ACCSL: variants seen among roughly 807,000 people sequenced by gnomAD.
ACCSL encodes probable inactive 1-aminocyclopropane-1-carboxylate synthase-like protein 2.
ACCSL carries 55 observed loss-of-function variants against 61.7 expected under a neutral mutation model. The ratio of observed to expected loss-of-function variants is 0.89; its 90% confidence interval spans 0.72 to 1.12. ACCSL has a LOEUF of 1.12. Among genes scored for constraint, ACCSL ranks in the 50% most tolerant of loss-of-function variants. The pLI, the probability that ACCSL is intolerant of heterozygous loss-of-function variation, is 0.00. For synonymous variants in ACCSL, 258 were observed against 264.3 expected (o/e 0.98, Z 0.23); for missense variants, 632 against 698.0 (o/e 0.91, Z 1.07).
chr11:43,977,557 C>T, the ACCSL span, among the ~76,000 whole-genome samples: 2 of 152,236 alleles, frequency 1.3e-5, no homozygotes, highest in Non-Finnish European at 2.9e-5. Context: ...GGAAATGCAA[C>T]TCAGCTGACA....
the ACCSL span, chr11:43,942,545 G>A: frequency 3.8e-6 from 1 of 263,912 alleles, no homozygotes; most frequent in Non-Finnish European, 7.6e-6. Flanking sequence ...CGCGGGGCGC[G>A]CACGCTTTAA....
At chr11:43,998,219 A>G in the ACCSL span, among the ~76,000 whole-genome samples, 1 of 152,216 alleles carries the variant, frequency 6.6e-6, no homozygotes, top group East Asian at 1.9e-4. Context: ...GACGACATGA[A>G]TGCTGATGCC....
intron 13 of ACCSL, 28 bp downstream of exon 13, chr11:44,058,727 TAA>T: frequency 6.3e-7 from 1 of 1,588,458 alleles, no homozygotes; most frequent in Non-Finnish European, 8.6e-7. Context: ...CCCAATCCTT[TAA>T]AGACGCCCCA....
chr11:43,942,782 G>A, the ACCSL span: 1 of 505,862 alleles, frequency 2.0e-6, no homozygotes, highest in Non-Finnish European at 2.5e-6. Flanking sequence ...CCACCCCGCA[G>A]CAGATTTGGA....
intron 8 of ACCSL, among the ~76,000 whole-genome samples, chr11:44,054,163 T>G (rs1400918351): frequency 6.6e-6 from 1 of 152,216 alleles, no homozygotes; most frequent in Non-Finnish European, 1.5e-5. Context: ...AGGAAGACAC[T>G]TTCAGACCTT....
chr11:43,985,117 C>A, the ACCSL span, among the ~76,000 whole-genome samples: 1 of 152,196 alleles, frequency 6.6e-6, no homozygotes, highest in Non-Finnish European at 1.5e-5. Flanking sequence ...AGGTTCCCTC[C>A]TGGCTGCACC....
the ACCSL span, among the ~76,000 whole-genome samples, chr11:43,931,975 G>A: frequency 2.6e-5 from 4 of 152,224 alleles, no homozygotes; most frequent in Non-Finnish European, 5.9e-5. Flanking sequence ...CTGTGTCTGA[G>A]GAGAAGCACA....
the ACCSL span, among the ~76,000 whole-genome samples, chr11:44,037,287 A>G: frequency 2.6e-5 from 4 of 152,212 alleles, no homozygotes; most frequent in African/African-American, 9.6e-5. Context: ...TGTGACAGTG[A>G]CCAAGGTACC....
the ACCSL span, among the ~76,000 whole-genome samples, chr11:43,928,663 G>T: frequency 6.6e-6 from 1 of 152,172 alleles, no homozygotes; most frequent in East Asian, 1.9e-4. Flanking sequence ...CATGGAGGAC[G>T]CAGGAGCTGG....
the ACCSL span, among the ~76,000 whole-genome samples, chr11:44,034,608 C>T: frequency 2.0e-5 from 3 of 151,962 alleles, no homozygotes; most frequent in African/African-American, 7.3e-5. Flanking sequence ...TTTATAAAAC[C>T]ATCAGATCTC....
At chr11:43,993,392 G>A in the ACCSL span, among the ~76,000 whole-genome samples, 2 of 152,152 alleles carry the variant, frequency 1.3e-5, no homozygotes, top group Non-Finnish European at 2.9e-5. Flanking sequence ...ACTCTGGCAG[G>A]CTGTGGCTCC....
the ACCSL span, chr11:43,926,635 G>GC: frequency 3.2e-6 from 1 of 317,078 alleles, no homozygotes; most frequent in Non-Finnish European, 6.3e-6. Context: ...GGCAAAATTA[G>GC]TTTTTTCTCC....
chr11:43,970,407 G>A, the ACCSL span, among the ~76,000 whole-genome samples: 4 of 152,028 alleles, frequency 2.6e-5, no homozygotes, highest in Admixed American at 6.6e-5. Context: ...TTTCACCATG[G>A]TGCTCAGGTT....
chr11:43,949,741 G>A, the ACCSL span, among the ~76,000 whole-genome samples: 8 of 152,278 alleles, frequency 5.3e-5, no homozygotes, highest in Middle Eastern at 3.4e-3. Flanking sequence ...CTTGAACCCC[G>A]AAGGTGGAGG....
At chr11:44,039,940 T>TC in the ACCSL span, among the ~76,000 whole-genome samples, 1 of 152,220 alleles carries the variant, frequency 6.6e-6, no homozygotes, top group Non-Finnish European at 1.5e-5. Flanking sequence ...GCATATCTGC[T>TC]CCCGTCTAGT....
At chr11:43,962,506 A>G in the ACCSL span, among the ~76,000 whole-genome samples, 89 of 152,350 alleles carry the variant, frequency 5.8e-4, no homozygotes, top group African/African-American at 2.0e-3. Flanking sequence ...TGTAACCCAA[A>G]CAGCAGAACA....
the ACCSL span, among the ~76,000 whole-genome samples, chr11:43,941,010 T>C: frequency 6.6e-6 from 1 of 152,174 alleles, no homozygotes; most frequent in Non-Finnish European, 1.5e-5. Context: ...TTTCTACCTG[T>C]AAATGGCGAT....
chr11:43,954,222 G>T, the ACCSL span, among the ~76,000 whole-genome samples: 114 of 152,276 alleles, frequency 7.5e-4, no homozygotes, highest in Non-Finnish European at 1.4e-3. Context: ...GTATCATACC[G>T]AAGCGGCCTC....
the ACCSL span, among the ~76,000 whole-genome samples, chr11:43,960,406 G>A: frequency 6.6e-6 from 1 of 151,834 alleles, no homozygotes; most frequent in Admixed American, 6.6e-5. Flanking sequence ...TTGTTTGTTT[G>A]GAGACAGAGT....
Sources: gnomAD v4.1 joint callset for allele counts (sites outside exome capture counted in the v4.1 genomes callset) on GRCh38, gnomAD v4.1.1 for gene constraint, MANE v1.5 for transcripts, NCBI Gene and HGNC (gene_info 2026-07-23, HGNC 2026-07-21) for gene names.